The following NAT10 variants were observed in gnomAD, a reference collection of about 807,000 sequenced individuals.
The protein encoded by NAT10 is RNA cytidine acetyltransferase.
Under a neutral mutation model 132.2 loss-of-function variants are expected in NAT10, and 109 were observed. The observed-to-expected ratio is 0.82, with a 90% CI of 0.71 to 0.97. The LOEUF (loss-of-function observed/expected upper bound fraction) is 0.97, where lower values mean the gene tolerates loss of function less well. Ranked by LOEUF, NAT10 falls within the 50% of genes least tolerant of loss-of-function variation. The pLI, the probability that NAT10 is intolerant of heterozygous loss-of-function variation, is 0.00. For synonymous variants in NAT10, 479 were observed against 478.0 expected (o/e 1.00, Z -0.03); for missense variants, 1,184 against 1,263.4 (o/e 0.94, Z 0.95).
intron 11 of NAT10, 30 bp from the exon 12 acceptor site, chr11:34,127,433 G>A (rs1852015782): frequency 3.2e-6 from 5 of 1,580,858 alleles, no homozygotes; most frequent in Non-Finnish European, 3.5e-6. Flanking sequence ...AGTTCACTAT[G>A]CTAATAATCT....
intron 11 of NAT10, 25 bp downstream of exon 11, chr11:34,124,425 T>C (rs1270949262): frequency 3.9e-6 from 6 of 1,527,244 alleles, no homozygotes; most frequent in Non-Finnish European, 5.4e-6. Flanking sequence ...CAGACCCTGA[T>C]GTGCAGGGCC....
intron 14 of NAT10, 132 bp from the exon 15 acceptor site, chr11:34,131,993 C>T: frequency 1.4e-6 from 1 of 726,442 alleles, no homozygotes; most frequent in Admixed American, 2.0e-5. Context: ...CCTCTTCTTC[C>T]TTCTTTTATG....
intron 14 of NAT10, 151 bp from the exon 15 acceptor site, chr11:34,131,974 G>A (rs537596138): frequency 1.5e-5 from 10 of 667,438 alleles, no homozygotes; most frequent in Middle Eastern, 2.7e-4. Context: ...GTGAGCCAAC[G>A]CGCCTGGCCC....
intron 11 of NAT10, among the ~76,000 whole-genome samples, chr11:34,127,208 G>A (rs545530801): frequency 1.3e-5 from 2 of 152,260 alleles, no homozygotes; most frequent in East Asian, 3.9e-4. Context: ...TACAGGAGGA[G>A]GAGTCTGAGG....
intron 26 of NAT10, 90 bp from the exon 27 acceptor site, chr11:34,142,185 A>C (rs1386174076): frequency 2.5e-6 from 3 of 1,202,052 alleles, no homozygotes; most frequent in Non-Finnish European, 3.7e-6. Flanking sequence ...TTTTCTCATC[A>C]TTGTGCCATT....
intron 28 of NAT10, among the ~76,000 whole-genome samples, chr11:34,144,790 A>G (rs114939325): frequency 8.0e-4 from 122 of 152,324 alleles, no homozygotes; most frequent in African/African-American, 2.8e-3. Flanking sequence ...AGGCTTTCAC[A>G]GCTGATTTGG....
intron 8 of NAT10, among the ~76,000 whole-genome samples, chr11:34,121,858 CA>C (rs34304264): frequency 4.7e-3 from 174 of 36,832 alleles, no homozygotes; most frequent in East Asian, 0.043. Flanking sequence ...GACTCTGTCT[CA>C]AAAAAAAAAA....
intron 8 of NAT10, among the ~76,000 whole-genome samples, chr11:34,118,875 G>A (rs1851834278): frequency 6.6e-6 from 1 of 152,178 alleles, no homozygotes; most frequent in Non-Finnish European, 1.5e-5. Context: ...CTCCTAAGGT[G>A]CTGAGATTAC....
intron 3 of NAT10, 127 bp downstream of exon 3, chr11:34,108,960 G>C (rs997620294): frequency 7.0e-6 from 5 of 711,682 alleles, no homozygotes; most frequent in Non-Finnish European, 1.1e-5. Context: ...GAGGACAAAT[G>C]GAGCTGATAT....
chr11:34,141,628 C>A (rs1164740232), intron 25 of NAT10, 91 bp from the exon 26 acceptor site: 3 of 1,131,164 alleles, frequency 2.7e-6, no homozygotes, highest in African/African-American at 1.5e-5. Context: ...AAATGCACAC[C>A]TTTCTATAAG....
chr11:34,125,694 G>A (rs1229324723), intron 11 of NAT10, among the ~76,000 whole-genome samples: 1 of 152,214 alleles, frequency 6.6e-6, no homozygotes, highest in Non-Finnish European at 1.5e-5. Context: ...CGGGCATGGT[G>A]GCTCATGGCT....
chr11:34,127,077 G>T (rs1347020308), intron 11 of NAT10, among the ~76,000 whole-genome samples: 1 of 152,130 alleles, frequency 6.6e-6, no homozygotes, highest in Non-Finnish European at 1.5e-5. Context: ...ACAAAGGAGA[G>T]AAAGGAAAGG....
chr11:34,118,624 C>T, intron 8 of NAT10, 121 bp downstream of exon 8: 1 of 700,342 alleles, frequency 1.4e-6, no homozygotes, highest in South Asian at 1.9e-5. Flanking sequence ...GGACTTTTCC[C>T]CTTGCTCATA....
rs1851739766 is a variant in NAT10 at position 34,113,778 on chromosome 11, G to C, written c.435G>C (p.Gly145=). Residue 145 remains glycine, a synonymous_variant, in exon 5 of 29, where the codon GGG becomes GGC. Coordinates refer to ENST00000257829, the MANE Select transcript of NAT10 (RefSeq NM_024662.3). ...CTGTAGAAACAGTGGAAGGTGGTGG[G>C]CTAGTGGTCATCCTCCTACGGACCA... is the stretch of plus-strand genomic sequence containing the variant. The part of the protein sequence containing the change: ...ARTVETVEGG[G]LVVILLRTMN... 2 of 1,614,004 alleles carry C rather than the reference G, an allele frequency of 1.2e-6. No individual in the cohort carries two copies. The highest frequency in any genetic ancestry group is 2.7e-5 in the African/African-American group (2 of 74,902).
chr11:34,130,639 A>G (rs1382325612), intron 12 of NAT10, among the ~76,000 whole-genome samples, 174 bp from the exon 13 acceptor site: 1 of 152,194 alleles, frequency 6.6e-6, no homozygotes, highest in Non-Finnish European at 1.5e-5. Flanking sequence ...CCACCGTGCC[A>G]CCCTGCCTCC....
intron 15 of NAT10, 56 bp from the exon 16 acceptor site, chr11:34,132,970 T>C (rs911872073): frequency 5.6e-6 from 8 of 1,433,700 alleles, no homozygotes; most frequent in South Asian, 1.1e-5. Context: ...TCGAACCTTT[T>C]GCGTAAAGGG....
intron 5 of NAT10, among the ~76,000 whole-genome samples, chr11:34,114,877 T>G (rs1292258035): frequency 6.6e-6 from 1 of 152,172 alleles, no homozygotes; most frequent in East Asian, 1.9e-4. Context: ...GGAGGGCCGA[T>G]CACAGTGGCT....
At chr11:34,121,568 C>T (rs1346731469) in intron 8 of NAT10, among the ~76,000 whole-genome samples, 4 of 151,988 alleles carry the variant, frequency 2.6e-5, no homozygotes, top group Non-Finnish European at 5.9e-5. Flanking sequence ...GTATAAAAGT[C>T]TGGTGTGGGC....
intron 11 of NAT10, 74 bp downstream of exon 11, chr11:34,124,474 TGTTA>T: frequency 9.2e-7 from 1 of 1,090,976 alleles, no homozygotes; most frequent in Non-Finnish European, 1.4e-6. Context: ...AGATGTTTCC[TGTTA>T]TAGACATGTA....
Sources: allele counts gnomAD v4.1 joint callset (sites outside exome capture counted in the v4.1 genomes callset), GRCh38; gene constraint gnomAD v4.1.1; transcripts MANE v1.5; gene names NCBI Gene and HGNC (gene_info 2026-07-23, HGNC 2026-07-21).